The following XKR4 variants were observed in gnomAD, a reference collection of about 807,000 sequenced individuals.
XKR4 encodes the protein XK-related protein 4.
Under a neutral mutation model 53.9 loss-of-function variants are expected in XKR4, and 12 were observed. That is an observed-to-expected ratio of 0.22 (90% CI 0.14 to 0.36). The LOEUF (loss-of-function observed/expected upper bound fraction) is 0.36. XKR4 is among the 10% of genes least tolerant of loss of function. The pLI is 1.00. For missense variants in XKR4, 799 were observed against 859.5 expected (o/e 0.93, Z 0.88); for synonymous variants, 354 against 362.4 (o/e 0.98, Z 0.26).
chr8:55,298,518 G>T (rs1344525336), intron 1 of XKR4, among the ~76,000 whole-genome samples: 1 of 152,126 alleles, frequency 6.6e-6, no homozygotes, highest in Non-Finnish European at 1.5e-5. Context: ...GAAAGAAGGA[G>T]CAAGAGAAGG....
At chr8:55,452,974 A>C (rs1805478041) in intron 2 of XKR4, 2 of 720,602 alleles carry the variant, frequency 2.8e-6, no homozygotes, top group Non-Finnish European at 2.6e-6. Context: ...CCGCTCAGGG[A>C]TGGCCACAGG....
At chr8:55,340,104 G>A (rs1271076269) in intron 1 of XKR4, among the ~76,000 whole-genome samples, 1 of 152,178 alleles carries the variant, frequency 6.6e-6, no homozygotes, top group Non-Finnish European at 1.5e-5. Flanking sequence ...AAAAACAATT[G>A]GCTAGGAGGC....
At chr8:55,286,182 A>T (rs1388651808) in intron 1 of XKR4, among the ~76,000 whole-genome samples, 1 of 152,242 alleles carries the variant, frequency 6.6e-6, no homozygotes, top group African/African-American at 2.4e-5. Flanking sequence ...CAATTGTGAA[A>T]TGAGTGGCTC....
intron 1 of XKR4, among the ~76,000 whole-genome samples, chr8:55,177,289 G>A (rs576692884): frequency 1.3e-5 from 2 of 152,084 alleles, no homozygotes; most frequent in South Asian, 2.1e-4. Flanking sequence ...TGCCCACCTC[G>A]GCCTCCCAAA....
intron 1 of XKR4, among the ~76,000 whole-genome samples, chr8:55,286,639 T>C (rs1457267092): frequency 6.6e-6 from 1 of 152,224 alleles, no homozygotes; most frequent in Non-Finnish European, 1.5e-5. Context: ...AGTGTTGTTC[T>C]GGAAACAGAT....
intron 2 of XKR4, among the ~76,000 whole-genome samples, chr8:55,370,459 G>A (rs576925680): frequency 2.2e-4 from 33 of 152,304 alleles, no homozygotes; most frequent in Admixed American, 1.9e-3. Context: ...AGTAGCAGTA[G>A]TTCATTAGTA....
At chr8:55,396,809 T>G (rs1489484596) in intron 2 of XKR4, among the ~76,000 whole-genome samples, 1 of 152,210 alleles carries the variant, frequency 6.6e-6, no homozygotes, top group Non-Finnish European at 1.5e-5. Flanking sequence ...AAAACTAAAA[T>G]CATGCTTTAA....
At chr8:55,297,235 C>T (rs901310936) in intron 1 of XKR4, among the ~76,000 whole-genome samples, 3 of 152,086 alleles carry the variant, frequency 2.0e-5, no homozygotes, top group Non-Finnish European at 4.4e-5. Flanking sequence ...TTAAAAGAGG[C>T]TTCAGACTAG....
Position 55,257,643 on chromosome 8 carries a change from T to G in XKR4, c.807-100035T>G, listed in dbSNP as rs76210878. On this transcript the variant is annotated intron_variant, in intron 1 of 2. Coordinates refer to ENST00000327381, the MANE Select transcript of XKR4 (RefSeq NM_052898.2). ...ATGCAAATATATGCAGAATCAATAT[T>G]ATATGTGTATACTAAATACTCATGG... Among the ~76,000 whole-genome samples, 47 of 152,316 alleles carry G rather than the reference T, an allele frequency of 3.1e-4. No homozygotes were observed. In the East Asian group the frequency reaches 8.9e-3, roughly 29 times the overall value.
At chr8:55,352,869 A>G (rs1017139983) in intron 1 of XKR4, among the ~76,000 whole-genome samples, 55 of 152,264 alleles carry the variant, frequency 3.6e-4, no homozygotes, top group African/African-American at 1.3e-3. Flanking sequence ...TCCAGAATAT[A>G]GTTACCAGAT....
At chr8:55,397,489 G>T (rs770428546) in intron 2 of XKR4, among the ~76,000 whole-genome samples, 6 of 152,174 alleles carry the variant, frequency 3.9e-5, no homozygotes, top group Non-Finnish European at 7.3e-5. Context: ...AAAGCAACAG[G>T]TGGCCAAGTG....
At chr8:55,254,172 A>G (rs1351698558) in intron 1 of XKR4, among the ~76,000 whole-genome samples, 3 of 152,044 alleles carry the variant, frequency 2.0e-5, no homozygotes, top group Non-Finnish European at 2.9e-5. Flanking sequence ...ATGTTGTGTC[A>G]AAAAGAAAGA....
At chr8:55,214,597 C>T (rs981505896) in intron 1 of XKR4, among the ~76,000 whole-genome samples, 1 of 152,080 alleles carries the variant, frequency 6.6e-6, no homozygotes. Context: ...TTTAAAACAC[C>T]ACAGATTCAT....
intron 1 of XKR4, among the ~76,000 whole-genome samples, chr8:55,115,654 GC>G (rs142569227): frequency 0.039 from 5,961 of 152,088 alleles, 211 homozygotes; most frequent in African/African-American, 0.092. Flanking sequence ...ATGGTGGTAC[GC>G]ACCTGTAGTC....
At chr8:55,289,986 C>A (rs879546717) in intron 1 of XKR4, among the ~76,000 whole-genome samples, 9 of 151,990 alleles carry the variant, frequency 5.9e-5, no homozygotes, top group Non-Finnish European at 1.2e-4. Context: ...TTTTTTGCAT[C>A]CTCACTGGTA....
At chr8:55,320,252 G>GA (rs1803185931) in intron 1 of XKR4, among the ~76,000 whole-genome samples, 1 of 152,148 alleles carries the variant, frequency 6.6e-6, no homozygotes, top group African/African-American at 2.4e-5. Flanking sequence ...TTAGTGAGAG[G>GA]AAAAAAGTCA....
rs190987894 is a variant in XKR4, at chr8:55,305,938, T to A, written c.807-51740T>A. ...GGTAGATGTACCATGTAAGTAAAAG[T>A]TAGTTTCAGTGTATTCAACCAAGAA... On this transcript the variant is annotated intron_variant, in intron 1 of 2. Coordinates refer to ENST00000327381, the MANE Select transcript of XKR4 (RefSeq NM_052898.2). Among the ~76,000 whole-genome samples the A allele has an allele frequency of 1.6e-4, 25 of 152,186 alleles. 1 individual carries two copies. The Middle Eastern group carries it at 0.01, about 62-fold the overall frequency.
intron 2 of XKR4, among the ~76,000 whole-genome samples, chr8:55,441,539 G>A (rs1023096013): frequency 1.3e-5 from 2 of 152,022 alleles, no homozygotes; most frequent in African/African-American, 2.4e-5. Flanking sequence ...CATTGCACTC[G>A]ACTCCATAAT....
intron 2 of XKR4, among the ~76,000 whole-genome samples, chr8:55,404,532 GCAGA>G (rs1370108199): frequency 2.0e-5 from 3 of 152,192 alleles, no homozygotes; most frequent in Admixed American, 6.5e-5. Flanking sequence ...GAAAGAACAA[GCAGA>G]CAAACATCCA....
Sources: gnomAD v4.1 joint callset for allele counts (sites outside exome capture counted in the v4.1 genomes callset) on GRCh38, gnomAD v4.1.1 for gene constraint, MANE v1.5 for transcripts, NCBI Gene and HGNC (gene_info 2026-07-23, HGNC 2026-07-21) for gene names.